Variants in IL2RB observed in about 807,000 individuals in gnomAD.
IL2RB encodes the protein interleukin-2 receptor subunit beta.
In IL2RB, 17 loss-of-function variants were observed where a neutral mutation model predicts 44.2. That is an observed-to-expected ratio of 0.38 (90% CI 0.26 to 0.58). The LOEUF (loss-of-function observed/expected upper bound fraction) is 0.58. Among genes scored for constraint, IL2RB ranks in the 20% least tolerant of loss-of-function variants. The probability of loss-of-function intolerance (pLI) is 0.63; values close to 1 mark genes in which losing one functional copy is unlikely to be tolerated. For synonymous variants in IL2RB, 286 were observed against 297.9 expected (o/e 0.96, Z 0.41); for missense variants, 624 against 685.5 (o/e 0.91, Z 1.00).
intron 1 of IL2RB, among the ~76,000 whole-genome samples, chr22:37,163,606 G>A (rs1325351838): frequency 6.6e-6 from 1 of 152,226 alleles, no homozygotes; most frequent in Non-Finnish European, 1.5e-5. Flanking sequence ...CTCCCTCAAG[G>A]GAGGAGGGAC....
chr22:37,131,728 C>A (rs893979505), intron 9 of IL2RB, among the ~76,000 whole-genome samples: 1 of 151,832 alleles, frequency 6.6e-6, no homozygotes, highest in Admixed American at 6.6e-5. Context: ...ACGGTAATAC[C>A]AGATAGGGTA....
At chr22:37,144,874 T>A (rs1922153364) in intron 1 of IL2RB, among the ~76,000 whole-genome samples, 1 of 152,146 alleles carries the variant, frequency 6.6e-6, no homozygotes, top group Non-Finnish European at 1.5e-5. Context: ...ACACACAGAG[T>A]CACGTAAGCT....
At chr22:37,142,086 G>A (rs1023078836) in intron 4 of IL2RB, among the ~76,000 whole-genome samples, 15 of 152,164 alleles carry the variant, frequency 9.9e-5, no homozygotes, top group African/African-American at 2.9e-4. Flanking sequence ...CCAAGCCCCC[G>A]GGAAGAGCTG....
At chr22:37,169,063 T>A (rs1162442821) in intron 1 of IL2RB, among the ~76,000 whole-genome samples, 1 of 151,064 alleles carries the variant, frequency 6.6e-6, no homozygotes, top group Admixed American at 6.6e-5. Context: ...GTTCTTGTTT[T>A]CAGAGGGGTT....
chr22:37,165,696 A>G (rs73887561), intron 1 of IL2RB, among the ~76,000 whole-genome samples: 1 of 149,262 alleles, frequency 6.7e-6, no homozygotes, highest in Admixed American at 6.8e-5. Flanking sequence ...AATTTAATTT[A>G]ATTTAATTTA....
chr22:37,167,954 G>T (rs1353992729), intron 1 of IL2RB, among the ~76,000 whole-genome samples: 1 of 152,236 alleles, frequency 6.6e-6, no homozygotes, highest in Non-Finnish European at 1.5e-5. Flanking sequence ...TGTCCCCTTT[G>T]CATGAGTTCA....
At chr22:37,143,031 A>T (rs1922044329) in intron 3 of IL2RB, among the ~76,000 whole-genome samples, 1 of 148,266 alleles carries the variant, frequency 6.7e-6, no homozygotes, top group Admixed American at 6.7e-5. Flanking sequence ...TCAGTCCCTC[A>T]CTCACTGGCC....
chr22:37,172,758 C>T (rs908656685), intron 1 of IL2RB, among the ~76,000 whole-genome samples: 22 of 152,322 alleles, frequency 1.4e-4, no homozygotes, highest in African/African-American at 5.3e-4. Context: ...AAGCTAGCAT[C>T]GTGATGTCTC....
chr22:37,148,968 T>C (rs1414892428), intron 1 of IL2RB, among the ~76,000 whole-genome samples: 1 of 152,098 alleles, frequency 6.6e-6, no homozygotes, highest in Non-Finnish European at 1.5e-5. Context: ...GCCACCCCCC[T>C]GCTCCCATAC....
intron 1 of IL2RB, 47 bp from the exon 2 acceptor site, chr22:37,144,252 G>A: frequency 1.3e-6 from 2 of 1,494,334 alleles, no homozygotes; most frequent in East Asian, 2.5e-5. Flanking sequence ...ACACATCCCA[G>A]GCCTCGCTGC....
chr22:37,174,068 G>GC (rs1479617715), intron 1 of IL2RB, among the ~76,000 whole-genome samples: 1 of 152,206 alleles, frequency 6.6e-6, no homozygotes, highest in East Asian at 1.9e-4. Context: ...CTCCAGCCCA[G>GC]CCCCTCAGGG....
At chr22:37,163,723 G>A (rs1191300680) in intron 1 of IL2RB, among the ~76,000 whole-genome samples, 1 of 152,254 alleles carries the variant, frequency 6.6e-6, no homozygotes, top group Non-Finnish European at 1.5e-5. Flanking sequence ...TGCTACCTGA[G>A]TGGAGCAGAG....
intron 1 of IL2RB, among the ~76,000 whole-genome samples, chr22:37,146,319 T>C (rs1922221187): frequency 6.6e-6 from 1 of 152,138 alleles, no homozygotes; most frequent in South Asian, 2.1e-4. Context: ...GTGGCCCTGT[T>C]GCAATCAAAG....
At chr22:37,136,711 T>C (rs1921723758) in intron 6 of IL2RB, among the ~76,000 whole-genome samples, 1 of 152,076 alleles carries the variant, frequency 6.6e-6, no homozygotes, top group Middle Eastern at 3.2e-3. Context: ...GCAGCTGGTC[T>C]CTGGTTCCCA....
At chr22:37,144,412 C>G (rs1032305045) in intron 1 of IL2RB, among the ~76,000 whole-genome samples, 39 of 152,216 alleles carry the variant, frequency 2.6e-4, no homozygotes, top group African/African-American at 8.7e-4. Flanking sequence ...TCAACTGCAG[C>G]CTCCTTTGAG....
intron 1 of IL2RB, among the ~76,000 whole-genome samples, chr22:37,162,855 C>T (rs1223191707): frequency 6.6e-6 from 1 of 152,154 alleles, no homozygotes; most frequent in Non-Finnish European, 1.5e-5. Context: ...GTTCTATACA[C>T]CTCCTCACAC....
intron 1 of IL2RB, among the ~76,000 whole-genome samples, chr22:37,167,833 G>A (rs1219300181): frequency 1.3e-5 from 2 of 152,248 alleles, no homozygotes; most frequent in Non-Finnish European, 2.9e-5. Context: ...CTAAAGCTTT[G>A]TGTGACAAAT....
intron 1 of IL2RB, among the ~76,000 whole-genome samples, chr22:37,168,081 A>C (rs1923141802): frequency 6.6e-6 from 1 of 152,226 alleles, no homozygotes; most frequent in African/African-American, 2.4e-5. Flanking sequence ...GAGGTAGGAC[A>C]AGTATGCAAA....
At chr22:37,137,799 G>A in intron 5 of IL2RB, 64 bp from the exon 6 acceptor site, 1 of 1,448,684 alleles carries the variant, frequency 6.9e-7, no homozygotes, top group South Asian at 1.2e-5. Flanking sequence ...CTTTGTACCT[G>A]CCACTCCTCC....
Sources: allele counts gnomAD v4.1 joint callset (sites outside exome capture counted in the v4.1 genomes callset), GRCh38; gene constraint gnomAD v4.1.1; transcripts MANE v1.5; gene names NCBI Gene and HGNC (gene_info 2026-07-23, HGNC 2026-07-21).